SLC7A2: variants seen among roughly 807,000 people sequenced by gnomAD.
The protein encoded by SLC7A2 is cationic amino acid transporter 2.
A neutral mutation model predicts 58.9 loss-of-function variants in SLC7A2; 48 were observed. That is an observed-to-expected ratio of 0.82 (90% CI 0.65 to 1.04). SLC7A2 has a LOEUF of 1.04. Among genes scored for constraint, SLC7A2 ranks in the 50% least tolerant of loss-of-function variants. The pLI is 0.00. For synonymous variants in SLC7A2, 363 were observed against 314.5 expected, an observed-to-expected ratio of 1.15 and a Z score of -1.63; for missense variants, 1,029 against 818.8, an observed-to-expected ratio of 1.26 and a Z score of -3.13.
At chr8:17,521,080 T>C (rs1376536280) in intron 2 of SLC7A2, among the ~76,000 whole-genome samples, 1 of 152,204 alleles carries the variant, frequency 6.6e-6, no homozygotes, top group African/African-American at 2.4e-5. Flanking sequence ...TATTATTGAT[T>C]AGGCTAATAT....
intron 2 of SLC7A2, among the ~76,000 whole-genome samples, chr8:17,530,707 G>T (rs1801414986): frequency 1.3e-5 from 2 of 151,854 alleles, no homozygotes; most frequent in Non-Finnish European, 2.9e-5. Context: ...TGAATAGCTG[G>T]GACTACAGGG....
intron 8 of SLC7A2, chr8:17,554,905 T>G (rs1040874237): frequency 2.5e-6 from 4 of 1,609,716 alleles, no homozygotes; most frequent in African/African-American, 2.7e-5. Context: ...GAATAATCCT[T>G]AAAATAACTC....
chr8:17,532,248 A>C (rs904345916), intron 2 of SLC7A2, among the ~76,000 whole-genome samples: 1 of 120,696 alleles, frequency 8.3e-6, no homozygotes, highest in East Asian at 2.4e-4. Context: ...AAAAAAAAAA[A>C]AAAAAAAAAA....
At chr8:17,551,068 A>G (rs1802426020) in intron 6 of SLC7A2, among the ~76,000 whole-genome samples, 1 of 152,200 alleles carries the variant, frequency 6.6e-6, no homozygotes, top group Non-Finnish European at 1.5e-5. Context: ...GGCCTACCGA[A>G]TGGCACAGCA....
chr8:17,537,947 T>C (rs1399612226), intron 2 of SLC7A2, among the ~76,000 whole-genome samples: 2 of 152,220 alleles, frequency 1.3e-5, no homozygotes, highest in African/African-American at 2.4e-5. Flanking sequence ...AATTTTTTTT[T>C]CTGCATCTCT....
At chr8:17,502,420 C>G (rs1048748382) in intron 2 of SLC7A2, 118 bp downstream of exon 2, 4 of 152,124 alleles carry the variant, frequency 2.6e-5, no homozygotes, top group African/African-American at 4.8e-5. Flanking sequence ...AAGAGTTCTT[C>G]TGTTAGAAGG....
At chr8:17,538,129 T>C (rs921988704) in intron 2 of SLC7A2, among the ~76,000 whole-genome samples, 7 of 152,242 alleles carry the variant, frequency 4.6e-5, no homozygotes, top group African/African-American at 1.7e-4. Flanking sequence ...CTGGATTCTA[T>C]ATCAGAAAAT....
intron 2 of SLC7A2, among the ~76,000 whole-genome samples, chr8:17,509,324 T>C (rs191045933): frequency 4.6e-5 from 7 of 152,276 alleles, no homozygotes; most frequent in African/African-American, 1.4e-4. Flanking sequence ...TCTTCTTCTT[T>C]TGAGACAGAG....
chr8:17,553,468 G>A (rs1802545318), intron 7 of SLC7A2, among the ~76,000 whole-genome samples: 2 of 152,160 alleles, frequency 1.3e-5, no homozygotes, highest in Admixed American at 1.3e-4. Flanking sequence ...GCTCAACAGA[G>A]CCTTATTAAA....
chr8:17,569,452 G>T lies in SLC7A2; in HGVS notation c.*4306G>T, dbSNP rs181201967. 6.6e-6 allele frequency: 1 copy of T among 152,104 alleles called. No homozygotes were observed. Among genetic ancestry groups the T allele is most frequent in the Non-Finnish European group, 1.5e-5 (1 of 68,024 alleles). The allele number at this position is 152,104 out of a possible 1,614,324, so 9.4% of individuals were successfully genotyped here. A position where few individuals can be genotyped will look rare whatever the true frequency, so the allele number is the denominator to read the frequency against. Reference sequence around the variant, plus strand: ...CAAGGGGGAAAGTATGGATATTCGCGTAGCAATAATGCCAGCAAAGGTCAT... The same window carrying T: ...CAAGGGGGAAAGTATGGATATTCGCTTAGCAATAATGCCAGCAAAGGTCAT... On this transcript the variant is annotated 3_prime_UTR_variant, in exon 13 of 13. Coordinates refer to ENST00000494857, the MANE Select transcript of SLC7A2 (RefSeq NM_001370338.1).
rs1804759 is a variant in SLC7A2 at position 17,543,448 on chromosome 8, A to G, written c.109A>G (p.Met37Val). Residue 37 changes from methionine to valine, a missense_variant, in exon 3 of 13, where the codon ATG (methionine) becomes GTG (valine). Physicochemically the swap from Met to Val is conservative, Grantham distance 21. Transcript: ENST00000494857. ...CAAATTATGCCGCTGCTTATCCACCATGGACCTCATTGCCCTGGGCGTTGG... is the reference window on the plus strand; with the variant it reads ...CAAATTATGCCGCTGCTTATCCACCGTGGACCTCATTGCCCTGGGCGTTGG... ...DTKLCRCLST[M>V]DLIALGVGST... is the part of the protein sequence containing the mutation. The G allele has an allele frequency of 6.2e-6, 10 of 1,614,076 alleles. No homozygotes were observed. The highest frequency in any genetic ancestry group is 3.3e-4 in the Middle Eastern group (2 of 6,062).
intron 2 of SLC7A2, among the ~76,000 whole-genome samples, chr8:17,509,595 C>G (rs1563435773): frequency 1.3e-5 from 2 of 151,988 alleles, no homozygotes; most frequent in Non-Finnish European, 2.9e-5. Context: ...CGGGAGCCAC[C>G]ACGCCCAACA....
At chr8:17,536,042 G>A (rs370867612) in intron 2 of SLC7A2, among the ~76,000 whole-genome samples, 2 of 151,152 alleles carry the variant, frequency 1.3e-5, no homozygotes, top group African/African-American at 4.9e-5. Context: ...TGCTTCCCTC[G>A]ATATCCTTTC....
At chr8:17,544,415 C>T in intron 3 of SLC7A2, 36 bp from the exon 4 acceptor site, 3 of 1,594,660 alleles carry the variant, frequency 1.9e-6, no homozygotes, top group Non-Finnish European at 2.6e-6. Flanking sequence ...TAATTTGCCC[C>T]CAGTGACTTC....
intron 2 of SLC7A2, chr8:17,510,693 C>T (rs985802077): frequency 6.6e-6 from 1 of 152,138 alleles, no homozygotes; most frequent in Non-Finnish European, 1.5e-5. Flanking sequence ...TGTGGCCATT[C>T]CTCAAGGATC....
At chr8:17,516,847 T>G (rs892901430) in intron 2 of SLC7A2, among the ~76,000 whole-genome samples, 2 of 152,218 alleles carry the variant, frequency 1.3e-5, no homozygotes, top group Non-Finnish European at 2.9e-5. Context: ...TATTTGAGTA[T>G]CTGCCATGTG....
intron 9 of SLC7A2, among the ~76,000 whole-genome samples, chr8:17,559,897 A>C (rs917778107): frequency 6.6e-6 from 1 of 152,222 alleles, no homozygotes; most frequent in East Asian, 1.9e-4. Flanking sequence ...GTAGGGAAGG[A>C]TGAGGCCAGA....
intron 2 of SLC7A2, among the ~76,000 whole-genome samples, chr8:17,534,694 GA>G (rs34390459): frequency 0.55 from 70,343 of 128,114 alleles, 18,069 homozygotes; most frequent in Middle Eastern, 0.65. Flanking sequence ...GTTTCAAATG[GA>G]AAAAAAAAAA....
intron 2 of SLC7A2, among the ~76,000 whole-genome samples, chr8:17,505,953 G>T (rs1459495297): frequency 1.3e-5 from 2 of 152,202 alleles, no homozygotes; most frequent in Non-Finnish European, 2.9e-5. Context: ...TTAATAACAT[G>T]CTTAAGGTAT....
Sources: gnomAD v4.1 joint callset for allele counts (sites outside exome capture counted in the v4.1 genomes callset) on GRCh38, gnomAD v4.1.1 for gene constraint, MANE v1.5 for transcripts, NCBI Gene and HGNC (gene_info 2026-07-23, HGNC 2026-07-21) for gene names.